The following AP1S2 variants were observed in gnomAD, a reference collection of about 807,000 sequenced individuals.
The protein encoded by AP1S2 is AP-1 complex subunit sigma-2.
In AP1S2, 1 loss-of-function variant was observed where a neutral mutation model predicts 14.3. The ratio of observed to expected loss-of-function variants is 0.07; its 90% CI spans 0.02 to 0.33. The LOEUF (loss-of-function observed/expected upper bound fraction) is 0.33, where lower values mean the gene tolerates loss of function less well. AP1S2 is among the 10% of genes least tolerant of loss of function. AP1S2 has a pLI of 0.99. For synonymous variants in AP1S2, 30 were observed against 40.5 expected (o/e 0.74, Z 0.99); for missense variants, 30 against 117.7 (o/e 0.25, Z 3.45).
intron 3 of AP1S2, 144 bp downstream of exon 3, chrX:15,845,759 A>G (rs1933980574): frequency 1.6e-6 from 1 of 638,632 alleles, no homozygotes; most frequent in South Asian, 2.7e-5. Flanking sequence ...AATATGGACA[A>G]CTTAATAATT....
intron 2 of AP1S2, among the ~76,000 whole-genome samples, chrX:15,848,196 C>T (rs1450571224): frequency 1.8e-5 from 2 of 111,537 alleles, no homozygotes; most frequent in African/African-American, 6.5e-5. Context: ...AATAATGTAC[C>T]TCTTTCCAGA....
intron 4 of AP1S2, chrX:15,832,417 C>T (rs3761617): frequency 0.23 from 169,201 of 720,236 alleles, 14,444 homozygotes; most frequent in East Asian, 0.35. Flanking sequence ...TCTAACAAAT[C>T]CCTAAACTTA....
At chrX:15,839,009 A>G (rs1226358121) in intron 4 of AP1S2, among the ~76,000 whole-genome samples, 4 of 111,663 alleles carry the variant, frequency 3.6e-5, no homozygotes, top group African/African-American at 1.3e-4. Flanking sequence ...CAGCCTTCCA[A>G]AGTGCTGGGA....
chrX:15,853,541 A>G (rs1345401716), intron 1 of AP1S2, among the ~76,000 whole-genome samples: 1 of 112,290 alleles, frequency 8.9e-6, no homozygotes, highest in Non-Finnish European at 1.9e-5. Flanking sequence ...TAACAGCGTT[A>G]CTGCAAATAA....
In AP1S2 at chrX:15,840,845, C is replaced by T. The variant is rs747038183; in HGVS notation, c.426+4534G>A. Among the ~76,000 whole-genome samples the T allele has an allele frequency of 1.6e-3, 181 of 111,875 alleles. 1 individual carries two copies. Among genetic ancestry groups the T allele is most frequent in the South Asian group, 2.6e-3 (7 of 2,717 alleles). Reference sequence around the variant, plus strand: ...AATAATTTAAGAATCATCTTTAGTACCAGTGGCATGTTAAGACAGCCAAAC... The same window carrying T: ...AATAATTTAAGAATCATCTTTAGTATCAGTGGCATGTTAAGACAGCCAAAC... On this transcript the variant is annotated intron_variant, in intron 4 of 5. Transcript: ENST00000672987.
chrX:15,839,389 CTCTT>C (rs965225513), intron 4 of AP1S2, among the ~76,000 whole-genome samples: 16 of 111,901 alleles, frequency 1.4e-4, no homozygotes, highest in African/African-American at 4.5e-4. Flanking sequence ...TTGGAAGCAT[CTCTT>C]TTTTTAAAAC....
chrX:15,833,333 T>TTA, intron 4 of AP1S2: 1 of 863,352 alleles, frequency 1.2e-6, no homozygotes, highest in Non-Finnish European at 1.4e-6. Flanking sequence ...TTTCCACCAC[T>TTA]TATACCCTGA....
chrX:15,834,439 A>AATATATATATATATATATATATATAT (rs1161066866), intron 4 of AP1S2, among the ~76,000 whole-genome samples: 1 of 25,126 alleles, frequency 4.0e-5, no homozygotes, highest in Non-Finnish European at 7.2e-5. Context: ...TCCCTTCCAA[A>AATATATATATATATATATATATATAT]ATATATATAT....
intron 4 of AP1S2, among the ~76,000 whole-genome samples, chrX:15,833,803 C>A (rs191281962): frequency 7.4e-4 from 83 of 111,659 alleles, no homozygotes; most frequent in African/African-American, 2.7e-3. Context: ...AAAATTATAT[C>A]AATTAGGAAT....
intron 2 of AP1S2, among the ~76,000 whole-genome samples, chrX:15,848,405 G>A (rs1244479604): frequency 9.0e-6 from 1 of 111,631 alleles, no homozygotes; most frequent in East Asian, 2.8e-4. Flanking sequence ...CCTAGGAACA[G>A]CAATTTGACT....
intron 4 of AP1S2, among the ~76,000 whole-genome samples, chrX:15,837,953 TTTC>T (rs1387804781): frequency 9.0e-6 from 1 of 111,702 alleles, no homozygotes. Flanking sequence ...ACATTTATCC[TTTC>T]TTGATTTTTT....
rs3788931 is a variant in AP1S2, at chrX:15,847,659, G to A, written c.180-1648C>T. 6.8e-4 allele frequency among the ~76,000 whole-genome samples: 76 copies of A among 112,016 alleles called. No homozygotes were observed. In the East Asian group the frequency reaches 0.019, roughly 29 times the overall value. On this transcript the variant is annotated intron_variant, in intron 2 of 5. Transcript: ENST00000672987. Reference sequence around the variant, plus strand: ...TCTCTTTCCCATCGTTACTGTTTTTGTTTGTCTATTTAAAAGAGAATAGAG... The same window carrying A: ...TCTCTTTCCCATCGTTACTGTTTTTATTTGTCTATTTAAAAGAGAATAGAG...
At chrX:15,829,678 A>AACTT (rs1177287004) in intron 4 of AP1S2, among the ~76,000 whole-genome samples, 6 of 112,369 alleles carry the variant, frequency 5.3e-5, no homozygotes, top group Middle Eastern at 4.6e-3. Flanking sequence ...TATAAAATGG[A>AACTT]ACTTACACAT....
At chrX:15,837,252 G>T (rs1300929426) in intron 4 of AP1S2, among the ~76,000 whole-genome samples, 1 of 111,857 alleles carries the variant, frequency 8.9e-6, no homozygotes, top group Non-Finnish European at 1.9e-5. Flanking sequence ...CTAACAGGAT[G>T]CCAGAGAACA....
At position 15,854,760 on chromosome X, in the gene AP1S2, G is replaced by T; in HGVS notation, c.-73C>A. On this transcript the variant is annotated 5_prime_UTR_variant, in exon 1 of 6. Coordinates refer to ENST00000672987, the MANE Select transcript of AP1S2 (RefSeq NM_001272071.2). ...CGGCGGCGAAGGGGAAGCCCCTGTC[G>T]CCGTGCTGAGGAAGAGAAGCCGTGG... is the stretch of plus-strand genomic sequence containing the variant. 1 of 818,187 alleles carries T rather than the reference G, an allele frequency of 1.2e-6. No individual in the cohort carries two copies. Among genetic ancestry groups the T allele is most frequent in the Non-Finnish European group, 1.5e-6 (1 of 677,015 alleles). 67.4% of individuals were successfully genotyped at this position (818,187 alleles called of 1,213,427 possible).
chrX:15,832,447 C>T (rs886221173), intron 4 of AP1S2: 6 of 714,313 alleles, frequency 8.4e-6, no homozygotes, highest in South Asian at 7.2e-5. Context: ...TAATTACAAA[C>T]GTATCTGAGG....
intron 4 of AP1S2, among the ~76,000 whole-genome samples, chrX:15,838,405 A>T (rs1933719964): frequency 1.8e-5 from 2 of 111,159 alleles, no homozygotes; most frequent in East Asian, 2.8e-4. Flanking sequence ...TTTTATTTTT[A>T]AAAAAAGGCC....
chrX:15,853,724 C>T (rs1025965304), intron 1 of AP1S2, among the ~76,000 whole-genome samples: 13 of 111,955 alleles, frequency 1.2e-4, no homozygotes, highest in African/African-American at 2.9e-4. Context: ...AAATGTATGA[C>T]GTGGCAATTC....
At chrX:15,850,351 C>G (rs769499933) in intron 2 of AP1S2, among the ~76,000 whole-genome samples, 1 of 110,101 alleles carries the variant, frequency 9.1e-6, no homozygotes, top group African/African-American at 3.3e-5. Flanking sequence ...CTTCGCTGCT[C>G]TCTCCGCTTT....
Sources: gnomAD v4.1 joint callset for allele counts (sites outside exome capture counted in the v4.1 genomes callset) on GRCh38, gnomAD v4.1.1 for gene constraint, MANE v1.5 for transcripts, NCBI Gene and HGNC (gene_info 2026-07-23, HGNC 2026-07-21) for gene names.